SPOCD1: variants seen among roughly 807,000 people sequenced by gnomAD.
The protein encoded by SPOCD1 is SPOC domain-containing protein 1.
Under a neutral mutation model 92.2 loss-of-function variants are expected in SPOCD1, and 64 were observed. That is an observed-to-expected ratio of 0.69 (90% CI 0.57 to 0.86). The LOEUF is 0.86. Among genes scored for constraint, SPOCD1 ranks in the 40% least tolerant of loss-of-function variants. The pLI, the probability that SPOCD1 is intolerant of heterozygous loss-of-function variation, is 0.00. For missense variants in SPOCD1, 1,360 were observed against 1,543.1 expected (o/e 0.88, Z 1.99); for synonymous variants, 578 against 619.3 (o/e 0.93, Z 0.99).
chr1:31,794,075 A>G, intron 11 of SPOCD1, 49 bp downstream of exon 11: 1 of 1,581,886 alleles, frequency 6.3e-7, no homozygotes, highest in Non-Finnish European at 8.7e-7. Flanking sequence ...CTGCACGCTC[A>G]GCCCCAGCCT....
chr1:31,797,514 T>C (rs1648110042), intron 9 of SPOCD1, among the ~76,000 whole-genome samples: 1 of 152,252 alleles, frequency 6.6e-6, no homozygotes, highest in Non-Finnish European at 1.5e-5. Flanking sequence ...CCACAGAGCC[T>C]GGACAGAAGC....
In SPOCD1 at chr1:31,800,115, G is replaced by A; in HGVS notation, c.1629C>T (p.Gly543=). ...CQVFQPSPSG[G]TAGDPGGLSD... ...AGAGGCCACCAGGGTCCCCTGCTGT[G>A]CCTCCTGAAGGAGAAGGCTGGAAAA... Residue 543 remains glycine (G), a synonymous_variant, in exon 5 of 16, where the codon GGC becomes GGT. Transcript: ENST00000360482. 6.2e-7 allele frequency: 1 copy of A among 1,604,196 alleles called. No homozygotes were observed. The highest frequency in any genetic ancestry group is 8.5e-7 in the Non-Finnish European group (1 of 1,177,140).
chr1:31,799,974 G>A (rs1294078602), intron 5 of SPOCD1, 42 bp downstream of exon 5: 1 of 1,611,192 alleles, frequency 6.2e-7, no homozygotes, highest in Non-Finnish European at 8.5e-7. Flanking sequence ...CCTGACCCAT[G>A]CTCCAGTGAA....
chr1:31,798,255 C>T lies in SPOCD1; in HGVS notation c.2097G>A (p.Gln699=), dbSNP rs1648167123. The change falls in exon 9 of 16, where the codon CAG becomes CAA. Residue 699 remains glutamine (Q), a synonymous_variant. Coordinates refer to ENST00000360482, the MANE Select transcript of SPOCD1 (RefSeq NM_144569.7). The surrounding 1 kb of genome is among the most constrained non-coding windows in gnomAD (Gnocchi z 4.1). Reference sequence around the variant, plus strand: ...AGCGGGCCAGCTCCTGGGGGGCCAGCTGCATCGAGCTCATCCGCACCAGGT... The same window carrying T: ...AGCGGGCCAGCTCCTGGGGGGCCAGTTGCATCGAGCTCATCCGCACCAGGT... ...PYDLVRMSSM[Q]LAPQELARWR... is the part of the protein sequence containing the mutation. 3 of 1,612,854 alleles carry T rather than the reference C, an allele frequency of 1.9e-6. No individual in the cohort carries two copies. The highest frequency in any genetic ancestry group is 1.7e-5 in the Admixed American group (1 of 59,992).
In SPOCD1 at chr1:31,814,639, G is replaced by A; in HGVS notation, c.695C>T (p.Pro232Leu). 6.5e-7 allele frequency: 1 copy of A among 1,536,182 alleles called. No individual in the cohort carries two copies. The highest frequency in any genetic ancestry group is 1.3e-5 in the South Asian group (1 of 77,744). Residue 232 changes from proline to leucine, a missense_variant, in exon 2 of 16, where the codon CCT becomes CTT. Pro to Leu is a moderately conservative substitution (Grantham distance 98, BLOSUM62 -3). This residue lies in a region of SPOCD1 where 606 missense variants were observed against 601.5 expected (regional missense o/e 1.01). Coordinates refer to ENST00000360482, the MANE Select transcript of SPOCD1 (RefSeq NM_144569.7). This position sits in a 1 kb window ranked among gnomAD's most constrained non-coding sequence, Gnocchi z 4.2. The part of the protein sequence containing the change: ...AGDFLWLDQS[P>L]RGDNLLSVGD... ...CACAGACAGGAGGTTGTCCCCACGA[G>A]GGCTCTGATCAAGCCACAGGAAGTC...
chr1:31,812,720 CAT>C (rs1235796091), intron 2 of SPOCD1, among the ~76,000 whole-genome samples: 2 of 152,174 alleles, frequency 1.3e-5, no homozygotes, highest in Non-Finnish European at 2.9e-5. Flanking sequence ...ATATCCAGCA[CAT>C]GTTAAGCAAG....
rs145391310 is a variant in SPOCD1, at chr1:31,806,609, G to A, written c.1384-4904C>T. On this transcript the variant is annotated intron_variant, in intron 2 of 15. Transcript: ENST00000360482. ...GCCCAGGGTTGGAGTGCAGTGGTGC[G>A]ATCTCGGCTCACTGCAGTCTCCGCC... is the stretch of plus-strand genomic sequence containing the variant. Among the ~76,000 whole-genome samples, 548 of 151,226 alleles carry A rather than the reference G, an allele frequency of 3.6e-3. 3 individuals are homozygous for A. Among genetic ancestry groups the A allele is most frequent in the East Asian group, 0.015 (79 of 5,146 alleles).
At chr1:31,796,366 A>T (rs773864515) in intron 10 of SPOCD1, 96 of 662,160 alleles carry the variant, frequency 1.4e-4, no homozygotes, top group Admixed American at 2.4e-5. Flanking sequence ...TGAGGCCAAA[A>T]GGAGGAGGAC....
intron 7 of SPOCD1, among the ~76,000 whole-genome samples, chr1:31,799,106 C>T (rs1456616921): frequency 2.0e-5 from 3 of 152,144 alleles, no homozygotes; most frequent in Non-Finnish European, 4.4e-5. Context: ...CTGAGCCGCT[C>T]CCAGCACACA....
At chr1:31,803,659 T>C (rs1403631505) in intron 2 of SPOCD1, among the ~76,000 whole-genome samples, 1 of 151,886 alleles carries the variant, frequency 6.6e-6, no homozygotes, top group African/African-American at 2.4e-5. Context: ...CAGAATTGTT[T>C]GAGCCGGAGA....
Position 31,814,632 on chromosome 1 carries a change from CCCA to C in SPOCD1, c.699_701del (p.Gly234del). The C allele has an allele frequency of 6.5e-7, 1 of 1,534,304 alleles. No individual in the cohort carries two copies. The highest frequency in any genetic ancestry group is 1.3e-5 in the South Asian group (1 of 77,268). On this transcript the variant is annotated inframe_deletion, in exon 2 of 16. Coordinates refer to ENST00000360482, the MANE Select transcript of SPOCD1 (RefSeq NM_144569.7). The surrounding 1 kb of genome is among the most constrained non-coding windows in gnomAD (Gnocchi z 4.2). Reference sequence around the variant, plus strand: ...GGTCTCCCACAGACAGGAGGTTGTCCCCACGAGGGCTCTGATCAAGCCACAGGA... The same window carrying C: ...GGTCTCCCACAGACAGGAGGTTGTCCCGAGGGCTCTGATCAAGCCACAGGA...
Position 31,793,394 on chromosome 1 carries a change from G to C in SPOCD1, c.2569C>G (p.Pro857Ala). ...GGCAGGCAGGGCAGGGCCTTTGTGGGTGCAGCAGGCACATGGAGCCCAGAT... is the reference window on the plus strand; with the variant it reads ...GGCAGGCAGGGCAGGGCCTTTGTGGCTGCAGCAGGCACATGGAGCCCAGAT... ...PPSGLHVPAA[P>A]TKALPCLPPW... Residue 857 changes from proline to alanine, a missense_variant, in exon 13 of 16, where the codon CCC becomes GCC. Around this residue, in one of 3 missense-constraint regions of SPOCD1, gnomAD observed 614 missense variants for 757.8 expected, o/e 0.81. Transcript: ENST00000360482. The C allele has an allele frequency of 6.3e-7, 1 of 1,593,242 alleles. No individual in the cohort carries two copies. Among genetic ancestry groups the C allele is most frequent in the Non-Finnish European group, 8.5e-7 (1 of 1,169,848 alleles).
At chr1:31,801,213 G>A (rs548435520) in intron 3 of SPOCD1, among the ~76,000 whole-genome samples, 17 of 152,266 alleles carry the variant, frequency 1.1e-4, no homozygotes, top group Admixed American at 2.6e-4. Flanking sequence ...AATCTGTCCC[G>A]CTCGGCTTTT....
In SPOCD1 at chr1:31,798,327, G is replaced by C. The variant is rs958528971; in HGVS notation, c.2029-4C>G. 2 of 1,611,806 alleles carry C rather than the reference G, an allele frequency of 1.2e-6. No individual in the cohort carries two copies. The highest frequency in any genetic ancestry group is 3.3e-5 in the Admixed American group (2 of 59,926). On this transcript the variant is annotated splice_polypyrimidine_tract_variant and splice_region_variant and intron_variant, in intron 8 of 15. Coordinates refer to ENST00000360482, the MANE Select transcript of SPOCD1 (RefSeq NM_144569.7). This position sits in a 1 kb window ranked among gnomAD's most constrained non-coding sequence, Gnocchi z 4.1. Reference sequence around the variant, plus strand: ...GAACCACTTTGAGAAACAAGTCCTGGTGGGGGCAGGGGGCAGGGCTGCACC... The same window carrying C: ...GAACCACTTTGAGAAACAAGTCCTGCTGGGGGCAGGGGGCAGGGCTGCACC...
At chr1:31,804,600 G>A (rs1300595109) in intron 2 of SPOCD1, among the ~76,000 whole-genome samples, 1 of 152,148 alleles carries the variant, frequency 6.6e-6, no homozygotes, top group African/African-American at 2.4e-5. Context: ...CAAGAGAGCT[G>A]TTATTTTTCT....
chr1:31,797,210 TGTGA>T (rs577348834), intron 9 of SPOCD1, among the ~76,000 whole-genome samples: 19 of 152,344 alleles, frequency 1.2e-4, no homozygotes, highest in African/African-American at 4.6e-4. Context: ...AAATGCTAGT[TGTGA>T]GTCTTACTGT....
intron 13 of SPOCD1, 131 bp downstream of exon 13, chr1:31,793,147 G>A (rs907468806): frequency 2.5e-6 from 3 of 1,206,612 alleles, no homozygotes; most frequent in African/African-American, 3.1e-5. Context: ...CCCATGCCCT[G>A]CACAGGGCCA....
intron 2 of SPOCD1, among the ~76,000 whole-genome samples, chr1:31,806,083 C>T (rs1648799802): frequency 6.6e-6 from 1 of 151,290 alleles, no homozygotes; most frequent in Admixed American, 6.6e-5. Flanking sequence ...AACTTATAAG[C>T]ATCTAATAGC....
chr1:31,792,248 G>A lies in SPOCD1; in HGVS notation c.2929C>T (p.Leu977=). ...CCCAAAGGGCGCAGCCTGGTGGGCA[G>A]GGGCTGGAAGGCAGGCAGGGGCAGC... The part of the protein sequence containing the change: ...VLLPLPAFQP[L]PTRLRPLGGP... Residue 977 remains leucine (L), a synonymous_variant, in exon 15 of 16, where the codon CTG becomes TTG. Coordinates refer to ENST00000360482, the MANE Select transcript of SPOCD1 (RefSeq NM_144569.7). 5.6e-6 allele frequency: 9 copies of A among 1,611,686 alleles called. No individual in the cohort carries two copies. Among genetic ancestry groups the A allele is most frequent in the Non-Finnish European group, 7.6e-6 (9 of 1,179,014 alleles).
Sources: gnomAD v4.1 joint callset for allele counts (sites outside exome capture counted in the v4.1 genomes callset) on GRCh38, gnomAD v4.1.1 for gene constraint, gnomAD v4.1.1 regional missense constraint, Gnocchi (gnomAD v3.1) non-coding constraint, MANE v1.5 for transcripts, NCBI Gene and HGNC (gene_info 2026-07-23, HGNC 2026-07-21) for gene names.